The following RPL21 variants were observed in gnomAD, a reference collection of about 807,000 sequenced individuals.
RPL21 encodes ribosomal protein L21, also known as large ribosomal subunit protein eL21.
Under a neutral mutation model 21.2 loss-of-function variants are expected in RPL21, and 1 was observed. That is an observed-to-expected ratio of 0.05 (90% CI 0.02 to 0.22). RPL21 has a LOEUF of 0.22. Among genes scored for constraint, RPL21 ranks in the 10% least tolerant of loss-of-function variants. The probability of loss-of-function intolerance (pLI) is 1.00; values close to 1 mark genes in which losing one functional copy is unlikely to be tolerated. For synonymous variants in RPL21, 52 were observed against 62.9 expected, an observed-to-expected ratio of 0.83 and a Z score of 0.82; for missense variants, 113 against 199.4, an observed-to-expected ratio of 0.57 and a Z score of 2.61.
At position 27,254,239 on chromosome 13, in the gene RPL21, A is replaced by T; in HGVS notation, c.87A>T (p.Thr29=). 6.3e-7 allele frequency: 1 copy of T among 1,599,986 alleles called. No individual in the cohort carries two copies. Among genetic ancestry groups the T allele is most frequent in the Non-Finnish European group, 8.6e-7 (1 of 1,167,202 alleles). ...FRKHGVVPLA[T]YMRIYKKGDI... ...TTGTAGGAGTTGTTCCTTTGGCCAC[A>T]TATATGCGAATCTATAAGAAAGGTG... The change falls in exon 3 of 6, where the codon ACA becomes ACT. Residue 29 remains threonine, a synonymous_variant. Transcript: ENST00000311549.
chr13:27,254,794 T>A, intron 3 of RPL21: 1 of 344,384 alleles, frequency 2.9e-6, no homozygotes, highest in Non-Finnish European at 5.6e-6. Context: ...CTGGGATTAT[T>A]ACAGGTGTGA....
Position 27,253,806 on chromosome 13 carries a change from C to T in RPL21, c.30C>T (p.Gly10=), listed in dbSNP as rs1302391776. 2 of 1,608,062 alleles carry T rather than the reference C, an allele frequency of 1.2e-6. No homozygotes were observed. The highest frequency in any genetic ancestry group is 1.3e-5 in the African/African-American group (1 of 74,768). Reference sequence around the variant, plus strand: ...CGAACACAAAGGGAAAGAGGAGAGGCACCCGATATATGTTCTCTAGGCCTT... The same window carrying T: ...CGAACACAAAGGGAAAGAGGAGAGGTACCCGATATATGTTCTCTAGGCCTT... MTNTKGKRR[G]TRYMFSRPFR... is the part of the protein sequence containing the mutation. Residue 10 remains glycine (G), a synonymous_variant, in exon 2 of 6, where the codon GGC becomes GGT. Transcript: ENST00000311549.
In RPL21 at chr13:27,256,416, CTT is replaced by C; in HGVS notation, c.394-12_394-11del. 6.4e-7 allele frequency: 1 copy of C among 1,550,668 alleles called. No homozygotes were observed. The highest frequency in any genetic ancestry group is 2.3e-5 in the East Asian group (1 of 44,208). On this transcript the variant is annotated intron_variant, in intron 5 of 5. Coordinates refer to ENST00000311549, the MANE Select transcript of RPL21 (RefSeq NM_000982.4). ...ACACATCACATAATTATTTTATTCC[CTT>C]TTTTTTTCCTTTAATAGCCTGCTCC...
At chr13:27,254,501 TCTC>T (rs1187749468) in intron 3 of RPL21, 3 of 513,828 alleles carry the variant, frequency 5.8e-6, no homozygotes, top group East Asian at 3.4e-5. Context: ...TTCAAGCAGT[TCTC>T]CTGCCTCAGC....
chr13:27,255,406 C>A (rs995064148), intron 4 of RPL21, 52 bp downstream of exon 4: 2 of 809,670 alleles, frequency 2.5e-6, no homozygotes, highest in East Asian at 2.4e-5. Context: ...TCATATACCC[C>A]CTTTTCACTT....
intron 2 of RPL21, 46 bp downstream of exon 2, chr13:27,253,889 G>C (rs1881763944): frequency 1.9e-6 from 2 of 1,058,354 alleles, no homozygotes; most frequent in Non-Finnish European, 3.0e-6. Context: ...ACACATTTGT[G>C]TTCTGTTGTG....
At chr13:27,254,158 T>C in intron 2 of RPL21, 62 bp from the exon 3 acceptor site, 1 of 1,002,484 alleles carries the variant, frequency 1.0e-6, no homozygotes, top group South Asian at 1.3e-5. Flanking sequence ...CTAGTAAAAT[T>C]GCATTTCTTT....
intron 3 of RPL21, chr13:27,254,558 C>A (rs1040725223): frequency 1.7e-5 from 7 of 413,286 alleles, no homozygotes; most frequent in Non-Finnish European, 2.6e-5. Context: ...TGATACCTGG[C>A]TAATTTTGTA....
At position 27,253,857 on chromosome 13, in the gene RPL21, C is replaced by A. The variant is rs372493913; in HGVS notation, c.67+14C>A. On this transcript the variant is annotated intron_variant, in intron 2 of 5. Coordinates refer to ENST00000311549, the MANE Select transcript of RPL21 (RefSeq NM_000982.4). The stretch of plus-strand genomic sequence containing the variant: ...TTAGAAAACATGGTAAGTAGGTTTA[C>A]CTTCCTTGAGAGAAGCATGGCACAC... The A allele has an allele frequency of 6.7e-7, 1 of 1,490,186 alleles. No individual in the cohort carries two copies. The highest frequency in any genetic ancestry group is 9.4e-7 in the Non-Finnish European group (1 of 1,067,298). 92.3% of individuals were successfully genotyped at this position (1,490,186 alleles called of 1,614,324 possible). A position where few individuals can be genotyped will look rare whatever the true frequency, so the allele number is the denominator to read the frequency against.
Position 27,253,825 on chromosome 13 carries a change from A to G in RPL21, c.49A>G (p.Arg17Gly). 3 of 1,596,330 alleles carry G rather than the reference A, an allele frequency of 1.9e-6. No homozygotes were observed. Among genetic ancestry groups the G allele is most frequent in the Non-Finnish European group, 2.6e-6 (3 of 1,164,030 alleles). ...KRRGTRYMFS[R>G]PFRKHGVVPL... ...GAGAGGCACCCGATATATGTTCTCT[A>G]GGCCTTTTAGAAAACATGGTAAGTA... The change falls in exon 2 of 6, where the codon AGG becomes GGG. Residue 17 changes from arginine to glycine, a missense_variant. Transcript: ENST00000311549.
In RPL21 at chr13:27,255,963, T is replaced by C; in HGVS notation, c.243-221T>C. ...TAGATTACTAGAGTTTAAGAGACCA[T>C]CATCTCATCAAAGAGAGTTAAAAGT... On this transcript the variant is annotated intron_variant, in intron 4 of 5. Transcript: ENST00000311549. 1.7e-5 allele frequency: 9 copies of C among 530,152 alleles called. No individual in the cohort carries two copies. The South Asian group carries it at 1.8e-4, about 10-fold the overall frequency. The allele number at this position is 530,152 out of a possible 1,614,324, so 32.8% of individuals were successfully genotyped here.
chr13:27,255,731 C>G, intron 4 of RPL21: 1 of 361,816 alleles, frequency 2.8e-6, no homozygotes, highest in Non-Finnish European at 5.4e-6. Context: ...ACCACCATGC[C>G]CAGCTAAATT....
At position 27,253,674 on chromosome 13, in the gene RPL21, C is replaced by T. The variant is rs3094292; in HGVS notation, c.-12-91C>T. The T allele has an allele frequency of 0.91, 683,065 of 749,288 alleles. 312,404 individuals are homozygous for T. The highest frequency in any genetic ancestry group is 0.95 in the South Asian group (67,586 of 71,058). 46.4% of individuals were successfully genotyped at this position (749,288 alleles called of 1,614,324 possible). On this transcript the variant is annotated intron_variant, in intron 1 of 5. Coordinates refer to ENST00000311549, the MANE Select transcript of RPL21 (RefSeq NM_000982.4). The stretch of plus-strand genomic sequence containing the variant: ...AGCTTTCAGTTTGCAGTTCTCACTT[C>T]GCTACTGAAATGTGAACATTTGAAA...
rs1300419300 is a variant in RPL21, at chr13:27,256,440, C to T, written c.398C>T (p.Ala133Val). 5 of 1,583,084 alleles carry T rather than the reference C, an allele frequency of 3.2e-6. No individual in the cohort carries two copies. Residue 133 changes from alanine to valine, a missense_variant, in exon 6 of 6, where the codon GCT becomes GTT. Physicochemically the swap from Ala to Val is moderately conservative, Grantham distance 64. Coordinates refer to ENST00000311549, the MANE Select transcript of RPL21 (RefSeq NM_000982.4). ...CCTTTTTTTTTCCTTTAATAGCCTG[C>T]TCCACCCAGAGAAGCACACTTTGTG... ...GTWVQLKRQP[A>V]PPREAHFVRT...
chr13:27,256,152 A>G (rs1355948858), intron 4 of RPL21, 32 bp from the exon 5 acceptor site: 8 of 1,543,258 alleles, frequency 5.2e-6, no homozygotes, highest in African/African-American at 1.4e-5. Context: ...TATTTTTGTT[A>G]AAGCACTTAA....
chr13:27,254,443 T>G, intron 3 of RPL21, 162 bp downstream of exon 3: 1 of 580,160 alleles, frequency 1.7e-6, no homozygotes, highest in African/African-American at 2.0e-5. Flanking sequence ...TTGCTCAGGC[T>G]GGAGTGCAAT....
chr13:27,252,108 G>T (rs1213639408), intron 1 of RPL21, among the ~76,000 whole-genome samples: 4 of 152,158 alleles, frequency 2.6e-5, no homozygotes, highest in African/African-American at 9.7e-5. Context: ...TGAAAACCCG[G>T]GCTCTCGGTC....
Position 27,254,237 on chromosome 13 carries a change from A to C in RPL21, c.85A>C (p.Thr29Pro). The change falls in exon 3 of 6, where the codon ACA becomes CCA. Residue 29 changes from threonine to proline, a missense_variant. Transcript: ENST00000311549. The stretch of plus-strand genomic sequence containing the variant: ...TTTTGTAGGAGTTGTTCCTTTGGCC[A>C]CATATATGCGAATCTATAAGAAAGG... ...FRKHGVVPLA[T>P]YMRIYKKGDI... 1.9e-6 allele frequency: 3 copies of C among 1,600,038 alleles called. No homozygotes were observed. Among genetic ancestry groups the C allele is most frequent in the Non-Finnish European group, 2.6e-6 (3 of 1,167,234 alleles).
In RPL21 at chr13:27,252,820, T is replaced by G. The variant is rs141633072; in HGVS notation, c.-12-945T>G. ...TACTTTGGGAGCCATTCTTAAAGGA[T>G]TGTTGGTAAACTTAGAAACCAAATT... On this transcript the variant is annotated intron_variant, in intron 1 of 5. Transcript: ENST00000311549. Among the ~76,000 whole-genome samples, 17 of 152,338 alleles carry G rather than the reference T, an allele frequency of 1.1e-4. No individual in the cohort carries two copies. The East Asian group carries it at 3.3e-3, about 29-fold the overall frequency.
Sources: allele counts gnomAD v4.1 joint callset (sites outside exome capture counted in the v4.1 genomes callset), GRCh38; gene constraint gnomAD v4.1.1; transcripts MANE v1.5; gene names NCBI Gene and HGNC (gene_info 2026-07-23, HGNC 2026-07-21).